The following SCN3A variants were observed in gnomAD, a reference collection of about 807,000 sequenced individuals.
The protein encoded by SCN3A is sodium channel protein type 3 subunit alpha.
In SCN3A, 60 loss-of-function variants were observed where a neutral mutation model predicts 187.6. That is an observed-to-expected ratio of 0.32 (90% CI 0.26 to 0.40). The LOEUF is 0.40. SCN3A is among the 10% of genes least tolerant of loss of function. The probability of loss-of-function intolerance (pLI) is 1.00; values close to 1 mark genes in which losing one functional copy is unlikely to be tolerated. For missense variants in SCN3A, 1,601 were observed against 2,428.2 expected, an observed-to-expected ratio of 0.66 and a Z score of 7.16; for synonymous variants, 788 against 829.2, an observed-to-expected ratio of 0.95 and a Z score of 0.85.
At chr2:165,184,703 G>A (rs1016509341) in intron 2 of SCN3A, among the ~76,000 whole-genome samples, 3 of 151,986 alleles carry the variant, frequency 2.0e-5, no homozygotes, top group African/African-American at 7.2e-5. Flanking sequence ...AAGCAAACAG[G>A]AATGAATTAA....
rs1182865213 is a variant in SCN3A at position 165,144,459 on chromosome 2, G to A, written c.1671+2280C>T. On this transcript the variant is annotated intron_variant, in intron 12 of 27. Coordinates refer to ENST00000283254, the MANE Select transcript of SCN3A (RefSeq NM_006922.4). ...AGCTCTCTGCTCTTGCCTGTCTGTG[G>A]TTCACTCAGCTCCAGCAAACCAAGT... 2.6e-5 allele frequency among the ~76,000 whole-genome samples: 4 copies of A among 152,210 alleles called. No homozygotes were observed. The South Asian group carries it at 8.3e-4, about 32-fold the overall frequency.
At chr2:165,158,292 T>C (rs1689182982) in intron 9 of SCN3A, among the ~76,000 whole-genome samples, 1 of 113,070 alleles carries the variant, frequency 8.8e-6, no homozygotes, top group Non-Finnish European at 1.7e-5. Flanking sequence ...CAAAGTTACT[T>C]AGGTTAGCAT....
intron 1 of SCN3A, among the ~76,000 whole-genome samples, chr2:165,199,590 A>AT (rs1491191996): frequency 4.2e-5 from 6 of 144,454 alleles, no homozygotes; most frequent in Non-Finnish European, 8.9e-5. Context: ...AAAAAAAGTA[A>AT]TAAAAAAAAA....
chr2:165,135,522 A>G (rs924040869), intron 15 of SCN3A, among the ~76,000 whole-genome samples: 1 of 152,118 alleles, frequency 6.6e-6, no homozygotes, highest in Non-Finnish European at 1.5e-5. Context: ...AGCTCTCCAC[A>G]AAACATTCTG....
At chr2:165,156,361 C>A (rs13011459) in intron 9 of SCN3A, among the ~76,000 whole-genome samples, 16,017 of 141,330 alleles carry the variant, frequency 0.11, 922 homozygotes, top group Non-Finnish European at 0.13. Flanking sequence ...AAAAAAAAAA[C>A]AATTAGCTGG....
At chr2:165,111,948 G>T (rs190413610) in intron 21 of SCN3A, among the ~76,000 whole-genome samples, 11 of 152,256 alleles carry the variant, frequency 7.2e-5, no homozygotes, top group Admixed American at 5.2e-4. Flanking sequence ...TTTGTGGGAG[G>T]AAGAAGAGTA....
Position 165,170,414 on chromosome 2 carries a change from C to A in SCN3A, c.383+16G>T. The stretch of plus-strand genomic sequence containing the variant: ...TGTTAGAAATAGCATTTAGGCAATT[C>A]ACATTAAAAGGATATGAATGTACCA... On this transcript the variant is annotated intron_variant, in intron 4 of 27. Coordinates refer to ENST00000283254, the MANE Select transcript of SCN3A (RefSeq NM_006922.4). 1 of 1,346,552 alleles carries A rather than the reference C, an allele frequency of 7.4e-7. No individual in the cohort carries two copies. The highest frequency in any genetic ancestry group is 1.2e-5 in the South Asian group (1 of 85,172). 83.4% of individuals were successfully genotyped at this position (1,346,552 alleles called of 1,614,324 possible).
At position 165,090,490 on chromosome 2, in the gene SCN3A, T is replaced by C; in HGVS notation, c.5663A>G (p.Tyr1888Cys). 1 of 1,614,070 alleles carries C rather than the reference T, an allele frequency of 6.2e-7. No homozygotes were observed. The highest frequency in any genetic ancestry group is 8.5e-7 in the Non-Finnish European group (1 of 1,179,982). Residue 1888 changes from tyrosine (Y) to cysteine (C), a missense_variant, in exon 28 of 28, where the codon TAT becomes TGT. Transcript: ENST00000283254. The surrounding 1 kb of genome is among the most constrained non-coding windows in gnomAD (Gnocchi z 4.0). ...FMASNPSKVS[Y>C]EPITTTLKRK... The stretch of plus-strand genomic sequence containing the variant: ...TTTCAAAGTGGTTGTAATAGGCTCA[T>C]AAGAGACTTTGGAGGGGTTTGATGC...
chr2:165,150,838 T>TAA (rs1688647487), intron 11 of SCN3A, among the ~76,000 whole-genome samples: 1 of 152,178 alleles, frequency 6.6e-6, no homozygotes, highest in Non-Finnish European at 1.5e-5. Flanking sequence ...CCCAGTGCTT[T>TAA]AAAATACAAT....
chr2:165,170,391 T>C, intron 4 of SCN3A, 39 bp downstream of exon 4: 2 of 1,154,914 alleles, frequency 1.7e-6, no homozygotes, highest in African/African-American at 3.0e-5. Flanking sequence ...AAATCAACTG[T>C]TAGAAATAGC....
At chr2:165,170,604 G>T in intron 3 of SCN3A, 56 bp from the exon 4 acceptor site, 3 of 1,046,168 alleles carry the variant, frequency 2.9e-6, no homozygotes, top group Non-Finnish European at 4.5e-6. Context: ...TATTTAAAGA[G>T]CTTACATACA....
intron 26 of SCN3A, 66 bp downstream of exon 26, chr2:165,094,308 G>T: frequency 9.1e-7 from 1 of 1,103,520 alleles, no homozygotes. Context: ...CTGCTCCAGA[G>T]CATTGCTCAA....
In SCN3A at chr2:165,131,317, A is replaced by T; in HGVS notation, c.2492T>A (p.Ile831Asn). 6.2e-7 allele frequency: 1 copy of T among 1,608,468 alleles called. No homozygotes were observed. Reference protein sequence around the residue: ...QEGWNIFDGIIVSLSLMELGL... With the variant: ...QEGWNIFDGINVSLSLMELGL... ...AAGCTCCATTAAACTGAGGCTGACA[A>T]TAATTCCATCAAAGATATTCCAGCC... The change falls in exon 16 of 28, where the codon ATT (isoleucine) becomes AAT (asparagine). Residue 831 changes from isoleucine (I) to asparagine (N), a missense_variant. By Grantham distance (149) the Ile-to-Asn change is moderately radical (BLOSUM62 -3). This residue lies in a region of SCN3A where 91 missense variants were observed against 207.0 expected (regional missense o/e 0.44). Coordinates refer to ENST00000283254, the MANE Select transcript of SCN3A (RefSeq NM_006922.4).
chr2:165,198,502 A>G (rs1692114135), intron 1 of SCN3A, among the ~76,000 whole-genome samples: 1 of 152,084 alleles, frequency 6.6e-6, no homozygotes, highest in Non-Finnish European at 1.5e-5. Flanking sequence ...ATCTGGTATT[A>G]TAAATAATTT....
At chr2:165,120,105 T>C (rs1245803497) in intron 18 of SCN3A, among the ~76,000 whole-genome samples, 2 of 152,118 alleles carry the variant, frequency 1.3e-5, no homozygotes, top group Non-Finnish European at 2.9e-5. Context: ...GGTTTTAAGA[T>C]GCAACATTCT....
intron 3 of SCN3A, among the ~76,000 whole-genome samples, chr2:165,175,434 A>G (rs1463598135): frequency 6.6e-6 from 1 of 152,206 alleles, no homozygotes. Flanking sequence ...AGGAAAGCAC[A>G]GTCATAACCA....
intron 3 of SCN3A, among the ~76,000 whole-genome samples, chr2:165,173,491 G>A (rs912910440): frequency 2.0e-5 from 3 of 152,152 alleles, no homozygotes; most frequent in Non-Finnish European, 4.4e-5. Context: ...GCTTGACACA[G>A]TATGAGCACA....
chr2:165,182,988 AAG>A (rs1553540704), intron 2 of SCN3A, among the ~76,000 whole-genome samples: 3 of 151,226 alleles, frequency 2.0e-5, no homozygotes, highest in Non-Finnish European at 4.4e-5. Flanking sequence ...AAAAAAAAAA[AAG>A]AAAGAAAAGA....
chr2:165,203,407 A>C (rs1314596789), intron 1 of SCN3A, among the ~76,000 whole-genome samples: 3 of 152,016 alleles, frequency 2.0e-5, no homozygotes. Context: ...TGTTAAATAA[A>C]AAACTAAAGC....
Sources: allele counts gnomAD v4.1 joint callset (sites outside exome capture counted in the v4.1 genomes callset), GRCh38; gene constraint gnomAD v4.1.1; regional missense constraint gnomAD v4.1.1; non-coding constraint Gnocchi (gnomAD v3.1); transcripts MANE v1.5; gene names NCBI Gene and HGNC (gene_info 2026-07-23, HGNC 2026-07-21).